RRM1: variants seen among roughly 807,000 people sequenced by gnomAD.
RRM1 encodes ribonucleotide reductase catalytic subunit M1.
Under a neutral mutation model 101.5 loss-of-function variants are expected in RRM1, and 19 were observed. The observed-to-expected ratio is 0.19, with a 90% confidence interval of 0.13 to 0.27. The LOEUF (loss-of-function observed/expected upper bound fraction) is 0.27. Ranked by LOEUF, RRM1 falls within the 10% of genes least tolerant of loss-of-function variation. The pLI, the probability that RRM1 is intolerant of heterozygous loss-of-function variation, is 1.00. For missense variants in RRM1, 500 were observed against 962.9 expected, an observed-to-expected ratio of 0.52 and a Z score of 6.36; for synonymous variants, 298 against 323.4, an observed-to-expected ratio of 0.92 and a Z score of 0.84.
intron 7 of RRM1, among the ~76,000 whole-genome samples, chr11:4,118,002 T>C (rs1590722627): frequency 6.6e-6 from 1 of 152,214 alleles, no homozygotes; most frequent in South Asian, 2.1e-4. Context: ...TGAATATGCA[T>C]GAGAAAATGT....
At chr11:4,095,840 C>T (rs2094542852) in intron 1 of RRM1, among the ~76,000 whole-genome samples, 1 of 152,192 alleles carries the variant, frequency 6.6e-6, no homozygotes, top group Admixed American at 6.5e-5. Flanking sequence ...GAACAGGCTT[C>T]ATCGGGTTGG....
chr11:4,136,324 A>T (rs941499843), intron 18 of RRM1, among the ~76,000 whole-genome samples: 22 of 151,858 alleles, frequency 1.4e-4, no homozygotes, highest in Non-Finnish European at 1.5e-5. Flanking sequence ...GGTTCAAGTG[A>T]TTCTCATGTC....
chr11:4,108,349 A>G (rs1184226548), intron 4 of RRM1, among the ~76,000 whole-genome samples: 1 of 152,196 alleles, frequency 6.6e-6, no homozygotes, highest in Non-Finnish European at 1.5e-5. Context: ...CTGTAATCCC[A>G]GCACTTTGAG....
At chr11:4,130,848 T>G (rs968825444) in intron 15 of RRM1, among the ~76,000 whole-genome samples, 1 of 152,236 alleles carries the variant, frequency 6.6e-6, no homozygotes, top group South Asian at 2.1e-4. Flanking sequence ...TCACAACATT[T>G]ACCTGTCTGT....
chr11:4,128,613 C>G (rs907838464), intron 14 of RRM1, among the ~76,000 whole-genome samples: 3 of 152,210 alleles, frequency 2.0e-5, no homozygotes, highest in African/African-American at 7.2e-5. Flanking sequence ...GCCTTTCCCA[C>G]TGCCTTTATT....
intron 12 of RRM1, 93 bp downstream of exon 12, chr11:4,123,477 T>A: frequency 2.0e-6 from 2 of 1,013,524 alleles, no homozygotes; most frequent in South Asian, 1.3e-5. Flanking sequence ...TTGAGATAAG[T>A]GAAGGGAGTT....
At chr11:4,098,498 C>T (rs879433394) in intron 1 of RRM1, among the ~76,000 whole-genome samples, 39 of 151,632 alleles carry the variant, frequency 2.6e-4, no homozygotes, top group Admixed American at 1.4e-3. Context: ...TGCTGTTCAC[C>T]GGGATTGCAG....
chr11:4,095,440 A>C (rs1378535427), intron 1 of RRM1, among the ~76,000 whole-genome samples: 1 of 150,248 alleles, frequency 6.7e-6, no homozygotes, highest in East Asian at 2.0e-4. Flanking sequence ...ATAGGTGACA[A>C]TACGGTTTGA....
chr11:4,119,425 T>G (rs757681572), intron 8 of RRM1, among the ~76,000 whole-genome samples: 12 of 152,224 alleles, frequency 7.9e-5, no homozygotes, highest in Non-Finnish European at 1.5e-4. Context: ...TGCCCTGATA[T>G]AGCTATCGCA....
chr11:4,127,340 C>G (rs578233861), intron 14 of RRM1, 84 bp downstream of exon 14: 1 of 761,974 alleles, frequency 1.3e-6, no homozygotes, highest in South Asian at 2.8e-5. Flanking sequence ...ATGTCCACAT[C>G]CTAATTCCTG....
At chr11:4,109,059 G>A (rs183197857) in intron 4 of RRM1, among the ~76,000 whole-genome samples, 245 of 152,094 alleles carry the variant, frequency 1.6e-3, no homozygotes, top group African/African-American at 5.6e-3. Context: ...GACCAGTTAT[G>A]CTCTAAAATC....
intron 14 of RRM1, among the ~76,000 whole-genome samples, chr11:4,128,403 C>T (rs139421880): frequency 2.0e-4 from 31 of 152,296 alleles, no homozygotes; most frequent in African/African-American, 7.5e-4. Flanking sequence ...TGAATCACTG[C>T]ACCTGGCGTA....
intron 2 of RRM1, among the ~76,000 whole-genome samples, chr11:4,103,506 T>C (rs1265642065): frequency 2.0e-5 from 3 of 152,170 alleles, no homozygotes; most frequent in Non-Finnish European, 4.4e-5. Context: ...CAGTAGTACA[T>C]TTTAGAGCGC....
intron 17 of RRM1, 65 bp from the exon 18 acceptor site, chr11:4,135,017 T>C: frequency 8.2e-7 from 1 of 1,226,004 alleles, no homozygotes; most frequent in Non-Finnish European, 1.2e-6. Flanking sequence ...TGTGTCACTA[T>C]TCTATTAATC....
chr11:4,131,991 A>G (rs1322755891), intron 15 of RRM1, among the ~76,000 whole-genome samples: 2 of 152,344 alleles, frequency 1.3e-5, no homozygotes, highest in East Asian at 3.9e-4. Context: ...CCTGAGTGCC[A>G]CAGTCCAAGT....
At chr11:4,105,301 G>A (rs1392830707) in intron 2 of RRM1, among the ~76,000 whole-genome samples, 3 of 150,512 alleles carry the variant, frequency 2.0e-5, no homozygotes, top group Non-Finnish European at 4.4e-5. Context: ...ATCATAGATA[G>A]CTCAGTGCAG....
chr11:4,133,700 G>A, intron 17 of RRM1, 42 bp downstream of exon 17: 1 of 1,127,230 alleles, frequency 8.9e-7, no homozygotes, highest in Non-Finnish European at 1.3e-6. Context: ...GGGCTGAGTT[G>A]GACATTGTGG....
intron 1 of RRM1, among the ~76,000 whole-genome samples, chr11:4,096,700 G>A (rs1165234551): frequency 2.0e-5 from 3 of 151,436 alleles, no homozygotes; most frequent in Non-Finnish European, 4.4e-5. Context: ...AAGGAGTCTC[G>A]CTATGTTGCC....
At chr11:4,104,486 T>A (rs2094555870) in intron 2 of RRM1, among the ~76,000 whole-genome samples, 1 of 152,206 alleles carries the variant, frequency 6.6e-6, no homozygotes, top group East Asian at 1.9e-4. Context: ...TAAAAATGTA[T>A]GCTAATACCC....
Sources: allele counts gnomAD v4.1 joint callset (sites outside exome capture counted in the v4.1 genomes callset), GRCh38; gene constraint gnomAD v4.1.1; transcripts MANE v1.5; gene names NCBI Gene and HGNC (gene_info 2026-07-23, HGNC 2026-07-21).